The following PORCN variants were observed in gnomAD, a reference collection of about 807,000 sequenced individuals.
The protein encoded by PORCN is protein-serine O-palmitoleoyltransferase porcupine.
In PORCN, 1 loss-of-function variant was observed where a neutral mutation model predicts 43.0. The ratio of observed to expected loss-of-function variants is 0.02; its 90% confidence interval spans 0.01 to 0.11. The LOEUF is 0.11. Among genes scored for constraint, PORCN ranks in the 10% least tolerant of loss-of-function variants. The probability of loss-of-function intolerance (pLI) is 1.00; values close to 1 mark genes in which losing one functional copy is unlikely to be tolerated. For missense variants in PORCN, 240 were observed against 392.1 expected (o/e 0.61, Z 3.28); for synonymous variants, 148 against 166.4 (o/e 0.89, Z 0.85).
intron 6 of PORCN, 43 bp downstream of exon 6, chrX:48,512,762 T>G: frequency 8.2e-7 from 1 of 1,212,419 alleles, no homozygotes; most frequent in Non-Finnish European, 1.1e-6. Flanking sequence ...ATGAGGGGGT[T>G]GGGTAGGGAC....
rs1269100286 is a variant in PORCN, at chrX:48,514,244, C to T, written c.724C>T (p.Leu242=). The T allele has an allele frequency of 8.3e-7, 1 of 1,210,370 alleles. No homozygotes were observed. The highest frequency in any genetic ancestry group is 1.1e-6 in the Non-Finnish European group (1 of 895,318). Residue 242 remains leucine (L), a synonymous_variant, in exon 9 of 15, where the codon CTG becomes TTG. Transcript: ENST00000326194. ...RKARGTMVRW[L]RAYESAVSFH... is the part of the protein sequence containing the mutation. ...CCCCTGCCCCTTTCTCCCCAGGTGG[C>T]TGCGAGCCTACGAGAGTGCTGTCTC...
intron 4 of PORCN, 65 bp from the exon 5 acceptor site, chrX:48,512,261 C>T: frequency 2.6e-6 from 3 of 1,150,280 alleles, no homozygotes; most frequent in Non-Finnish European, 3.6e-6. Context: ...TCACCTGGTG[C>T]ACCTCCTCCT....
In PORCN at chrX:48,514,463, G is replaced by C; in HGVS notation, c.846-62G>C. 3.4e-6 allele frequency: 4 copies of C among 1,185,521 alleles called. No individual in the cohort carries two copies. The South Asian group carries it at 5.4e-5, about 16-fold the overall frequency. ...CCCAGGGGAGGGAACGGCCAAGACA[G>C]AAGTGTGGCGGTCAGATGAGTTGAG... On this transcript the variant is annotated intron_variant, in intron 9 of 14. Coordinates refer to ENST00000326194, the MANE Select transcript of PORCN (RefSeq NM_203475.3).
At chrX:48,519,895 G>A (rs2061746887) in intron 14 of PORCN, among the ~76,000 whole-genome samples, 1 of 112,149 alleles carries the variant, frequency 8.9e-6, no homozygotes, top group Non-Finnish European at 1.9e-5. Context: ...TACTCAGGAG[G>A]CTGAGGCAGG....
rs180786887 is a variant in PORCN at position 48,517,406 on chromosome X, C to T, written c.1284+113C>T. 6.7e-5 allele frequency: 36 copies of T among 537,116 alleles called. No individual in the cohort carries two copies. In the East Asian group the frequency reaches 1.3e-3, roughly 19 times the overall value. 44.3% of individuals were successfully genotyped at this position (537,116 alleles called of 1,213,427 possible). ...GGCCTGAGCTCCTCAGACTGTGCTG[C>T]TTCGCCTGGGCAGCCAGTGCTCCTC... On this transcript the variant is annotated intron_variant, in intron 14 of 14. Transcript: ENST00000326194.
chrX:48,515,425 T>G, intron 10 of PORCN: 1 of 394,052 alleles, frequency 2.5e-6, no homozygotes. Context: ...ACTCACACAA[T>G]TTGCTGAATT....
chrX:48,518,930 T>G (rs1434000628), intron 14 of PORCN, among the ~76,000 whole-genome samples: 1 of 111,090 alleles, frequency 9.0e-6, no homozygotes, highest in African/African-American at 3.3e-5. Context: ...TCCACCCACC[T>G]CAGCCTCCCA....
intron 4 of PORCN, 167 bp downstream of exon 4, chrX:48,512,102 G>A (rs2061680607): frequency 1.8e-6 from 1 of 542,509 alleles, no homozygotes; most frequent in South Asian, 2.7e-5. Flanking sequence ...TTTCCACCGT[G>A]CATTTTCCCG....
At position 48,514,510 on chromosome X, in the gene PORCN, C is replaced by T. The variant is rs782617660; in HGVS notation, c.846-15C>T. On this transcript the variant is annotated splice_polypyrimidine_tract_variant and intron_variant, in intron 9 of 14. Transcript: ENST00000326194. The stretch of plus-strand genomic sequence containing the variant: ...TGAGATCCCAAATGGATTTGCATAT[C>T]TCTTCTGCCCCCAGGGACCTGACGG... 15 of 1,201,615 alleles carry T rather than the reference C, an allele frequency of 1.2e-5. No individual in the cohort carries two copies. Among genetic ancestry groups the T allele is most frequent in the Non-Finnish European group, 1.7e-5 (15 of 887,452 alleles).
intron 14 of PORCN, among the ~76,000 whole-genome samples, chrX:48,517,986 G>T (rs949508098): frequency 9.3e-6 from 1 of 107,899 alleles, no homozygotes; most frequent in African/African-American, 3.4e-5. Flanking sequence ...ACGGCCCACT[G>T]CAGCCTCACA....
At chrX:48,512,040 T>A in intron 4 of PORCN, 105 bp downstream of exon 4, 1 of 653,006 alleles carries the variant, frequency 1.5e-6, no homozygotes, top group Middle Eastern at 3.8e-4. Flanking sequence ...CTCCCTCACC[T>A]GCCCACCCCA....
At chrX:48,511,204 C>G (rs2061672462) in intron 2 of PORCN, 91 bp from the exon 3 acceptor site, 2 of 586,039 alleles carry the variant, frequency 3.4e-6, no homozygotes, top group African/African-American at 4.5e-5. Context: ...CTCCCTCTCT[C>G]TCTCCCTCCC....
At position 48,520,462 on chromosome X, in the gene PORCN, C is replaced by T. The variant is rs1556976227; in HGVS notation, c.1372C>T (p.Arg458Cys). 8.3e-7 allele frequency: 1 copy of T among 1,203,294 alleles called. No individual in the cohort carries two copies. Among genetic ancestry groups the T allele is most frequent in the Non-Finnish European group, 1.1e-6 (1 of 887,979 alleles). Residue 458 changes from arginine (R) to cysteine (C), a missense_variant, in exon 15 of 15, where the codon CGT becomes TGT. Transcript: ENST00000326194. ...WVTFGCWIFYRLIG is the reference protein window; with the variant it reads ...WVTFGCWIFYCLIG The stretch of plus-strand genomic sequence containing the variant: ...CACTTTTGGATGCTGGATCTTCTAC[C>T]GTCTCATAGGCTGAGGCACATCTGT...
At position 48,517,237 on chromosome X, in the gene PORCN, C is replaced by G. The variant is rs966088285; in HGVS notation, c.1228C>G (p.Leu410Val). The change falls in exon 14 of 15, where the codon CTG (leucine) becomes GTG (valine). Residue 410 changes from leucine (L) to valine (V), a missense_variant. By Grantham distance (32) the Leu-to-Val change is conservative (BLOSUM62 1). Transcript: ENST00000326194. ...LLFGALAIFHLAYLGSLFDVD... is the reference protein window; with the variant it reads ...LLFGALAIFHVAYLGSLFDVD... ...CTTTGGAGCTCTGGCCATCTTCCACCTGGCCTACCTGGGCTCCCTGTTTGA... is the reference window on the plus strand; with the variant it reads ...CTTTGGAGCTCTGGCCATCTTCCACGTGGCCTACCTGGGCTCCCTGTTTGA... The G allele has an allele frequency of 5.1e-6, 6 of 1,169,524 alleles. No homozygotes were observed. The highest frequency in any genetic ancestry group is 5.7e-6 in the Non-Finnish European group (5 of 873,942).
Position 48,517,237 on chromosome X carries a change from C to T in PORCN, c.1228C>T (p.Leu410=). Residue 410 remains leucine, a synonymous_variant, in exon 14 of 15, where the codon CTG becomes TTG. Coordinates refer to ENST00000326194, the MANE Select transcript of PORCN (RefSeq NM_203475.3). ...CTTTGGAGCTCTGGCCATCTTCCAC[C>T]TGGCCTACCTGGGCTCCCTGTTTGA... The part of the protein sequence containing the change: ...LLFGALAIFH[L]AYLGSLFDVD... 1 of 1,171,337 alleles carries T rather than the reference C, an allele frequency of 8.5e-7. No homozygotes were observed.
chrX:48,517,056 G>A, intron 13 of PORCN, 127 bp from the exon 14 acceptor site: 2 of 522,805 alleles, frequency 3.8e-6, no homozygotes, highest in East Asian at 7.3e-5. Flanking sequence ...ATCTCAGGGG[G>A]TACCCTGGGC....
chrX:48,509,832 T>C lies in PORCN; in HGVS notation c.12T>C (p.Phe4=). The C allele has an allele frequency of 2.5e-6, 3 of 1,211,415 alleles. No individual in the cohort carries two copies. Among genetic ancestry groups the C allele is most frequent in the Non-Finnish European group, 3.4e-6 (3 of 895,184 alleles). MAT[F]SRQEFFQQLL... ...CGTGGGGGTCTGCAATGGCCACCTT[T>C]AGCCGCCAGGAATTTTTCCAGCAGC... The change falls in exon 2 of 15, where the codon TTT becomes TTC. Residue 4 remains phenylalanine (F), a synonymous_variant. Coordinates refer to ENST00000326194, the MANE Select transcript of PORCN (RefSeq NM_203475.3).
chrX:48,511,165 A>C, intron 2 of PORCN, 130 bp from the exon 3 acceptor site: 1 of 602,733 alleles, frequency 1.7e-6, no homozygotes, highest in Non-Finnish European at 2.7e-6. Context: ...TCCCCTTCCT[A>C]CTAGCCCACC....
chrX:48,516,317 C>T (rs969790376), intron 13 of PORCN, 171 bp downstream of exon 13: 6 of 504,074 alleles, frequency 1.2e-5, no homozygotes, highest in African/African-American at 4.7e-5. Flanking sequence ...AGGCATTTAT[C>T]GAGCATCTGC....
Sources: allele counts gnomAD v4.1 joint callset (sites outside exome capture counted in the v4.1 genomes callset), GRCh38; gene constraint gnomAD v4.1.1; transcripts MANE v1.5; gene names NCBI Gene and HGNC (gene_info 2026-07-23, HGNC 2026-07-21).